The following TYW1 variants were observed in gnomAD, a reference collection of about 807,000 sequenced individuals.
TYW1 encodes S-adenosyl-L-methionine-dependent tRNA 4-demethylwyosine synthase TYW1.
In TYW1, 46 loss-of-function variants were observed where a neutral mutation model predicts 96.2. That is an observed-to-expected ratio of 0.48 (90% CI 0.38 to 0.61). The LOEUF (loss-of-function observed/expected upper bound fraction) is 0.61. Among genes scored for constraint, TYW1 ranks in the 20% least tolerant of loss-of-function variants. The probability of loss-of-function intolerance (pLI) is 0.00; values close to 1 mark genes in which losing one functional copy is unlikely to be tolerated. For missense variants in TYW1, 684 were observed against 909.6 expected (o/e 0.75, Z 3.19); for synonymous variants, 274 against 323.0 (o/e 0.85, Z 1.63).
intron 14 of TYW1, among the ~76,000 whole-genome samples, chr7:67,185,553 C>G (rs1584669331): frequency 6.6e-6 from 1 of 152,152 alleles, no homozygotes; most frequent in African/African-American, 2.4e-5. Context: ...TGGCTTAAGC[C>G]ATTGCGTGGA....
chr7:67,114,883 T>C (rs1259095216), intron 12 of TYW1, among the ~76,000 whole-genome samples: 7 of 152,172 alleles, frequency 4.6e-5, no homozygotes, highest in Non-Finnish European at 2.9e-5. Flanking sequence ...CTTTTCCTCT[T>C]CTCCATTCTT....
intron 13 of TYW1, among the ~76,000 whole-genome samples, chr7:67,177,417 A>G (rs1269424446): frequency 3.9e-5 from 6 of 151,956 alleles, no homozygotes; most frequent in Non-Finnish European, 7.4e-5. Flanking sequence ...AGACATTGTG[A>G]AAAAAAGGAA....
intron 13 of TYW1, among the ~76,000 whole-genome samples, chr7:67,177,253 T>C (rs1332165205): frequency 1.3e-5 from 2 of 151,664 alleles, no homozygotes; most frequent in Admixed American, 6.6e-5. Flanking sequence ...GGCAATATGA[T>C]AAAACTTTAG....
At position 67,055,839 on chromosome 7, in the gene TYW1, T is replaced by C. The variant is rs1795498274; in HGVS notation, c.1107T>C (p.Tyr369=). The C allele has an allele frequency of 1.9e-6, 3 of 1,612,518 alleles. No homozygotes were observed. The highest frequency in any genetic ancestry group is 1.7e-5 in the Admixed American group (1 of 59,686). The stretch of plus-strand genomic sequence containing the variant: ...GTTCCCTGCTTTTCCACTCAGGTTA[T>C]CAGTTGATTGGGAGCCACTCGGGGG... The part of the protein sequence containing the change: ...ALREALTKQG[Y]QLIGSHSGVK... Residue 369 remains tyrosine (Y), a synonymous_variant, in exon 9 of 16, where the codon TAT becomes TAC. Coordinates refer to ENST00000359626, the MANE Select transcript of TYW1 (RefSeq NM_018264.4).
intron 11 of TYW1, among the ~76,000 whole-genome samples, chr7:67,084,528 T>C (rs1563004341): frequency 6.6e-6 from 1 of 151,568 alleles, no homozygotes; most frequent in South Asian, 2.1e-4. Flanking sequence ...CTTTCTTCTT[T>C]TTTTTTTTTG....
chr7:67,184,533 A>G (rs1177691990), intron 14 of TYW1, among the ~76,000 whole-genome samples: 1 of 151,164 alleles, frequency 6.6e-6, no homozygotes, highest in Non-Finnish European at 1.5e-5. Context: ...GGGTAAATGC[A>G]TATATTATTT....
At chr7:67,142,354 T>A (rs1798475879) in intron 13 of TYW1, among the ~76,000 whole-genome samples, 2 of 152,212 alleles carry the variant, frequency 1.3e-5, no homozygotes, top group African/African-American at 4.8e-5. Context: ...TTTTCCTACC[T>A]TGGCCTCCCG....
intron 13 of TYW1, among the ~76,000 whole-genome samples, chr7:67,141,505 G>A (rs1258013934): frequency 1.3e-5 from 2 of 152,000 alleles, no homozygotes; most frequent in Non-Finnish European, 2.9e-5. Context: ...TTATTCCCCC[G>A]CCTTTTGGAA....
intron 15 of TYW1, among the ~76,000 whole-genome samples, chr7:67,227,990 C>T (rs1056641590): frequency 1.3e-5 from 2 of 152,128 alleles, no homozygotes; most frequent in African/African-American, 2.4e-5. Flanking sequence ...GGTGGTCTTG[C>T]GGGCCGCTGA....
chr7:67,202,050 G>A (rs1206818255), intron 15 of TYW1, among the ~76,000 whole-genome samples: 1 of 152,164 alleles, frequency 6.6e-6, no homozygotes, highest in African/African-American at 2.4e-5. Context: ...TGGGAACCAT[G>A]GCCACGAAGA....
At chr7:67,228,614 C>T (rs909385872) in intron 15 of TYW1, among the ~76,000 whole-genome samples, 11 of 152,334 alleles carry the variant, frequency 7.2e-5, no homozygotes, top group African/African-American at 2.6e-4. Context: ...TACAAACCAC[C>T]TCCAATGTTG....
At chr7:67,091,683 C>G (rs552018872) in intron 11 of TYW1, among the ~76,000 whole-genome samples, 6 of 152,230 alleles carry the variant, frequency 3.9e-5, no homozygotes, top group South Asian at 2.1e-4. Flanking sequence ...AGTGTAACAG[C>G]CTCTGGCAGA....
intron 10 of TYW1, among the ~76,000 whole-genome samples, chr7:67,075,282 A>G (rs1369186634): frequency 4.6e-5 from 7 of 152,166 alleles, no homozygotes; most frequent in Non-Finnish European, 8.8e-5. Flanking sequence ...TATTCTTTGA[A>G]ATTTTGAATC....
At chr7:67,011,125 A>G (rs1180017203) in intron 4 of TYW1, among the ~76,000 whole-genome samples, 9 of 151,840 alleles carry the variant, frequency 5.9e-5, no homozygotes, top group Admixed American at 1.3e-4. Flanking sequence ...GCAACCTCCA[A>G]CTCCAGGGTT....
chr7:67,234,444 G>A (rs1238096409), intron 15 of TYW1, among the ~76,000 whole-genome samples: 2 of 152,012 alleles, frequency 1.3e-5, no homozygotes, highest in East Asian at 3.9e-4. Context: ...AGGCCATGTG[G>A]GAAAGAGCAA....
intron 10 of TYW1, among the ~76,000 whole-genome samples, chr7:67,079,364 G>A (rs1172150113): frequency 1.3e-5 from 2 of 151,918 alleles, no homozygotes; most frequent in East Asian, 1.9e-4. Flanking sequence ...GAATTTCTAC[G>A]TTTCCTCTAG....
chr7:67,200,333 G>C (rs1046743093), intron 15 of TYW1, among the ~76,000 whole-genome samples: 85 of 152,160 alleles, frequency 5.6e-4, no homozygotes, highest in African/African-American at 2.0e-3. Context: ...AGACATACCC[G>C]AGACTGGGTA....
Position 67,098,492 on chromosome 7 carries a change from C to T in TYW1, c.1385-49C>T, listed in dbSNP as rs750335015. ...TCATTAAGAAAAACGTAAGTGACATCCTCTATCTGTGCCTTATGTAGCTGG... is the reference window on the plus strand; with the variant it reads ...TCATTAAGAAAAACGTAAGTGACATTCTCTATCTGTGCCTTATGTAGCTGG... On this transcript the variant is annotated intron_variant, in intron 11 of 15. Transcript: ENST00000359626. The T allele has an allele frequency of 2.0e-6, 3 of 1,489,022 alleles. No homozygotes were observed. In the South Asian group the frequency reaches 4.2e-5, roughly 21 times the overall value. The allele number at this position is 1,489,022 out of a possible 1,614,324, so 92.2% of individuals were successfully genotyped here.
At chr7:67,020,086 A>G (rs1297502760) in intron 6 of TYW1, among the ~76,000 whole-genome samples, 2 of 152,300 alleles carry the variant, frequency 1.3e-5, no homozygotes, top group Non-Finnish European at 2.9e-5. Flanking sequence ...CATAAGTTAA[A>G]GAGCTTACAG....
Sources: allele counts gnomAD v4.1 joint callset (sites outside exome capture counted in the v4.1 genomes callset), GRCh38; gene constraint gnomAD v4.1.1; transcripts MANE v1.5; gene names NCBI Gene and HGNC (gene_info 2026-07-23, HGNC 2026-07-21).